Variants in FAT1 observed in about 807,000 individuals in gnomAD.
The protein encoded by FAT1 is protocadherin Fat 1.
Under a neutral mutation model 329.8 loss-of-function variants are expected in FAT1, and 171 were observed. The ratio of observed to expected loss-of-function variants is 0.52; its 90% confidence interval spans 0.46 to 0.59. The LOEUF is 0.59. Among genes scored for constraint, FAT1 ranks in the 20% least tolerant of loss-of-function variants. FAT1 has a pLI of 0.00. For missense variants in FAT1, 5,672 were observed against 5,774.4 expected (o/e 0.98, Z 0.57); for synonymous variants, 2,233 against 2,228.6 (o/e 1.00, Z -0.06).
chr4:186,588,727 G>A lies in FAT1; in HGVS notation c.13632C>T (p.Ala4544=). The stretch of plus-strand genomic sequence containing the variant: ...AGCAGGCTGACACGTCAGAGCAGGA[G>A]GCGGTGGAGGCGTACACAGACATGG... ...SMPMSVYAST[A]SCSDVSACCE... The change falls in exon 27 of 27, where the codon GCC becomes GCT. Residue 4544 remains alanine, a synonymous_variant. Transcript: ENST00000441802. 1 of 1,614,020 alleles carries A rather than the reference G, an allele frequency of 6.2e-7. No homozygotes were observed. The highest frequency in any genetic ancestry group is 8.5e-7 in the Non-Finnish European group (1 of 1,179,904).
chr4:186,690,289 C>T, intron 2 of FAT1, among the ~76,000 whole-genome samples: 1 of 152,124 alleles, frequency 6.6e-6, no homozygotes, highest in East Asian at 1.9e-4. Context: ...GAAACAAAAC[C>T]ATTCCCACCA....
chr4:186,711,956 TG>T (rs1744980592), intron 1 of FAT1, among the ~76,000 whole-genome samples: 1 of 152,186 alleles, frequency 6.6e-6, no homozygotes, highest in African/African-American at 2.4e-5. Context: ...ACTTGGATGA[TG>T]TTTAGCAAGC....
At chr4:186,718,549 C>T (rs186275228) in intron 1 of FAT1, among the ~76,000 whole-genome samples, 2 of 152,210 alleles carry the variant, frequency 1.3e-5, no homozygotes, top group East Asian at 3.9e-4. Context: ...CACCTGTAGT[C>T]CCAGCTACTC....
At chr4:186,593,226 T>C (rs760906497) in intron 26 of FAT1, among the ~76,000 whole-genome samples, 1 of 152,216 alleles carries the variant, frequency 6.6e-6, no homozygotes, top group Non-Finnish European at 1.5e-5. Context: ...TTTTTGTCCC[T>C]GTTCTGATTG....
chr4:186,726,039 C>T (rs1363468348), upstream of FAT1, among the ~76,000 whole-genome samples: 1 of 152,234 alleles, frequency 6.6e-6, no homozygotes, highest in African/African-American at 2.4e-5. Flanking sequence ...CCCTGCAAAT[C>T]TCGCGGCCCC....
chr4:186,615,909 T>G (rs1458625229), intron 11 of FAT1, among the ~76,000 whole-genome samples: 1 of 152,194 alleles, frequency 6.6e-6, no homozygotes, highest in Non-Finnish European at 1.5e-5. Flanking sequence ...GTCAACTGTA[T>G]GTCTCATTAC....
At chr4:186,647,052 T>C (rs1741418620) in intron 3 of FAT1, among the ~76,000 whole-genome samples, 1 of 152,238 alleles carries the variant, frequency 6.6e-6, no homozygotes, top group Non-Finnish European at 1.5e-5. Flanking sequence ...CACCCACTTG[T>C]TCACTGTGCA....
At chr4:186,702,074 A>G (rs1353818498) in intron 2 of FAT1, among the ~76,000 whole-genome samples, 3 of 150,062 alleles carry the variant, frequency 2.0e-5, no homozygotes, top group African/African-American at 7.4e-5. Flanking sequence ...CCAGGAGCCG[A>G]CCTCCACACA....
chr4:186,589,334 C>G, intron 26 of FAT1, 114 bp from the exon 27 acceptor site: 1 of 1,152,384 alleles, frequency 8.7e-7, no homozygotes, highest in Non-Finnish European at 1.2e-6. Flanking sequence ...TGCCTTCATT[C>G]AAAGTTCACC....
intron 26 of FAT1, 25 bp from the exon 27 acceptor site, chr4:186,589,245 C>A (rs1351822052): frequency 3.2e-6 from 5 of 1,575,466 alleles, no homozygotes; most frequent in Non-Finnish European, 4.3e-6. Context: ...AAACAGATGT[C>A]AGTGTGTTTT....
intron 6 of FAT1, among the ~76,000 whole-genome samples, chr4:186,634,913 G>A (rs946013632): frequency 2.0e-5 from 3 of 152,246 alleles, no homozygotes; most frequent in African/African-American, 7.2e-5. Context: ...GTCAGGTACT[G>A]CACAGCAGCA....
intron 2 of FAT1, among the ~76,000 whole-genome samples, chr4:186,700,176 T>A (rs1379471291): frequency 1.3e-5 from 2 of 152,188 alleles, no homozygotes; most frequent in Non-Finnish European, 2.9e-5. Flanking sequence ...CAAATCACGT[T>A]AGCTTTGGCG....
chr4:186,636,454 C>T, intron 5 of FAT1, 131 bp downstream of exon 5: 1 of 1,020,686 alleles, frequency 9.8e-7, no homozygotes, highest in Non-Finnish European at 1.5e-6. Context: ...CCGGCATTGC[C>T]TAATGGGGCC....
intron 22 of FAT1, among the ~76,000 whole-genome samples, chr4:186,599,043 C>T (rs182231921): frequency 2.2e-4 from 34 of 152,292 alleles, no homozygotes; most frequent in African/African-American, 7.9e-4. Context: ...ACTCCTGCTT[C>T]GGGACCATGG....
rs150921713 is a variant in FAT1, at chr4:186,688,417, C to T, written c.3265+18146G>A. Reference sequence around the variant, plus strand: ...AACTGATTCCTGTTCATAAGGTAATCGCGGACCCCATGTGGTCCTTTCACA... The same window carrying T: ...AACTGATTCCTGTTCATAAGGTAATTGCGGACCCCATGTGGTCCTTTCACA... On this transcript the variant is annotated intron_variant, in intron 2 of 26. Coordinates refer to ENST00000441802, the MANE Select transcript of FAT1 (RefSeq NM_005245.4). 1.2e-3 allele frequency among the ~76,000 whole-genome samples: 180 copies of T among 152,240 alleles called. 2 individuals carry two copies. The highest frequency in any genetic ancestry group is 4.0e-3 in the African/African-American group (167 of 41,548).
At chr4:186,657,211 C>A (rs1225472331) in intron 3 of FAT1, among the ~76,000 whole-genome samples, 1 of 152,094 alleles carries the variant, frequency 6.6e-6, no homozygotes, top group Non-Finnish European at 1.5e-5. Flanking sequence ...TACAAACTGC[C>A]AAAAACTGGC....
At chr4:186,695,638 CTAAG>C (rs1318078421) in intron 2 of FAT1, among the ~76,000 whole-genome samples, 2 of 152,056 alleles carry the variant, frequency 1.3e-5, no homozygotes, top group South Asian at 2.1e-4. Context: ...CAGTCAGTTC[CTAAG>C]TAAGTGATAC....
chr4:186,690,489 A>T (rs1743704264), intron 2 of FAT1, among the ~76,000 whole-genome samples: 1 of 152,178 alleles, frequency 6.6e-6, no homozygotes, highest in Admixed American at 6.5e-5. Context: ...TGAGGTCCAG[A>T]GTTGGTGACC....
At chr4:186,605,312 GGGA>G (rs770186844) in intron 17 of FAT1, among the ~76,000 whole-genome samples, 9 of 144,356 alleles carry the variant, frequency 6.2e-5, no homozygotes, top group Non-Finnish European at 1.2e-4. Context: ...AGTGAGAAGG[GGGA>G]GGAGGAGGGG....
Sources: gnomAD v4.1 joint callset for allele counts (sites outside exome capture counted in the v4.1 genomes callset) on GRCh38, gnomAD v4.1.1 for gene constraint, MANE v1.5 for transcripts, NCBI Gene and HGNC (gene_info 2026-07-23, HGNC 2026-07-21) for gene names.